The following AASS variants were observed in gnomAD, a reference collection of about 807,000 sequenced individuals.
AASS encodes the protein aminoadipate-semialdehyde synthase, also known as alpha-aminoadipic semialdehyde synthase, mitochondrial.
Under a neutral mutation model 105.4 loss-of-function variants are expected in AASS, and 86 were observed. The ratio of observed to expected loss-of-function variants is 0.82; its 90% CI spans 0.69 to 0.98. The LOEUF (loss-of-function observed/expected upper bound fraction) is 0.98. Among genes scored for constraint, AASS ranks in the 50% least tolerant of loss-of-function variants. The pLI is 0.00. For missense variants in AASS, 1,048 were observed against 1,143.2 expected (o/e 0.92, Z 1.20); for synonymous variants, 381 against 394.8 (o/e 0.96, Z 0.41).
intron 19 of AASS, among the ~76,000 whole-genome samples, chr7:122,082,023 C>T (rs184845724): frequency 1.4e-4 from 21 of 152,170 alleles, no homozygotes; most frequent in Admixed American, 1.2e-3. Context: ...GTCAGTTGAG[C>T]TCTTTCTTAT....
chr7:122,079,252 G>C, intron 21 of AASS: 1 of 1,357,248 alleles, frequency 7.4e-7, no homozygotes, highest in Non-Finnish European at 9.5e-7. Flanking sequence ...TCCAACATTA[G>C]GTATACCAGC....
chr7:122,081,681 T>C (rs1793332259), intron 19 of AASS, 86 bp from the exon 20 acceptor site: 1 of 886,598 alleles, frequency 1.1e-6, no homozygotes, highest in Admixed American at 2.0e-5. Flanking sequence ...GGGATATATC[T>C]TTGTAACTAA....
intron 4 of AASS, among the ~76,000 whole-genome samples, chr7:122,119,807 A>G (rs1337577383): frequency 6.6e-6 from 1 of 152,172 alleles, no homozygotes; most frequent in Non-Finnish European, 1.5e-5. Flanking sequence ...TTACATATAA[A>G]CAAAATTTTA....
Position 122,113,745 on chromosome 7 carries a change from T to C in AASS, c.1044-25A>G, listed in dbSNP as rs374751453. 5 of 1,609,662 alleles carry C rather than the reference T, an allele frequency of 3.1e-6. No homozygotes were observed. The African/African-American group carries it at 6.7e-5, about 22-fold the overall frequency. On this transcript the variant is annotated intron_variant, in intron 9 of 23. Coordinates refer to ENST00000417368, the MANE Select transcript of AASS (RefSeq NM_005763.4). Reference sequence around the variant, plus strand: ...TCTGAAAATAACATCAATACTTAGATGAGAGGATGAAATTCTGAAGTCTCC... The same window carrying C: ...TCTGAAAATAACATCAATACTTAGACGAGAGGATGAAATTCTGAAGTCTCC...
chr7:122,124,604 A>C (rs1349489430), intron 4 of AASS, among the ~76,000 whole-genome samples: 1 of 152,094 alleles, frequency 6.6e-6, no homozygotes, highest in Admixed American at 6.6e-5. Flanking sequence ...TCTTATAGCA[A>C]TTAGCACTAG....
chr7:122,077,773 T>C, intron 23 of AASS, 65 bp downstream of exon 23: 2 of 1,580,168 alleles, frequency 1.3e-6, no homozygotes, highest in Non-Finnish European at 1.7e-6. Flanking sequence ...TTACTTGATG[T>C]CCAGGCACCA....
intron 8 of AASS, 37 bp downstream of exon 8, chr7:122,116,596 A>G: frequency 6.2e-7 from 1 of 1,613,522 alleles, no homozygotes; most frequent in East Asian, 2.2e-5. Flanking sequence ...ACACTGTATC[A>G]TAAGCAACCA....
chr7:122,110,347 AT>A (rs1419401544), intron 11 of AASS, among the ~76,000 whole-genome samples: 1 of 151,894 alleles, frequency 6.6e-6, no homozygotes, highest in Non-Finnish European at 1.5e-5. Flanking sequence ...TAAAAAAAAA[AT>A]GACAATAAAG....
At chr7:122,092,494 G>C (rs896945268) in intron 17 of AASS, among the ~76,000 whole-genome samples, 1 of 152,036 alleles carries the variant, frequency 6.6e-6, no homozygotes, top group East Asian at 1.9e-4. Context: ...GGAGGCTGAG[G>C]GGGGCAGATG....
chr7:122,102,820 A>G (rs1452447618), intron 11 of AASS, among the ~76,000 whole-genome samples: 1 of 151,962 alleles, frequency 6.6e-6, no homozygotes, highest in Non-Finnish European at 1.5e-5. Flanking sequence ...CATCTCTAAA[A>G]TTTTGAATAC....
chr7:122,080,742 A>G (rs1373266967), intron 20 of AASS, among the ~76,000 whole-genome samples: 1 of 152,204 alleles, frequency 6.6e-6, no homozygotes, highest in African/African-American at 2.4e-5. Flanking sequence ...ATATACACCT[A>G]CTATGTACCC....
At chr7:122,088,093 G>A (rs1019086377) in intron 18 of AASS, among the ~76,000 whole-genome samples, 1 of 152,088 alleles carries the variant, frequency 6.6e-6, no homozygotes, top group African/African-American at 2.4e-5. Flanking sequence ...TAATTTGAAT[G>A]ACAACAGAAA....
chr7:122,136,476 A>G (rs1413846428), intron 1 of AASS, among the ~76,000 whole-genome samples: 2 of 152,202 alleles, frequency 1.3e-5, no homozygotes, highest in East Asian at 3.9e-4. Flanking sequence ...TCAGTAAACG[A>G]CTGTTATATA....
chr7:122,138,125 G>A (rs1796237661), intron 1 of AASS, among the ~76,000 whole-genome samples: 1 of 152,132 alleles, frequency 6.6e-6, no homozygotes, highest in African/African-American at 2.4e-5. Flanking sequence ...AAACTTAAAA[G>A]ATTTCTTCTC....
intron 11 of AASS, among the ~76,000 whole-genome samples, chr7:122,107,013 T>C (rs1794700283): frequency 1.3e-5 from 2 of 151,926 alleles, no homozygotes; most frequent in African/African-American, 4.8e-5. Context: ...GTCTAATATC[T>C]AGCTTCTATA....
intron 4 of AASS, among the ~76,000 whole-genome samples, chr7:122,125,509 C>T (rs923543086): frequency 6.6e-5 from 10 of 152,172 alleles, no homozygotes; most frequent in Non-Finnish European, 1.5e-5. Flanking sequence ...TAACCTGACA[C>T]GTCCACCCTA....
intron 19 of AASS, among the ~76,000 whole-genome samples, chr7:122,085,315 A>G (rs1793567503): frequency 2.0e-5 from 3 of 152,124 alleles, no homozygotes; most frequent in Non-Finnish European, 4.4e-5. Flanking sequence ...AAACTATTAC[A>G]CCAGTTGTCT....
intron 17 of AASS, 113 bp from the exon 18 acceptor site, chr7:122,091,956 T>C (rs976892809): frequency 2.2e-5 from 17 of 769,978 alleles, no homozygotes; most frequent in Middle Eastern, 3.6e-4. Context: ...TTTTTCATTC[T>C]TAAAGTTACT....
At chr7:122,142,465 T>G (rs980329620) in intron 1 of AASS, among the ~76,000 whole-genome samples, 1 of 152,136 alleles carries the variant, frequency 6.6e-6, no homozygotes, top group Non-Finnish European at 1.5e-5. Flanking sequence ...TAGAGCCCAA[T>G]AAGCCCTCTC....
Sources: gnomAD v4.1 joint callset for allele counts (sites outside exome capture counted in the v4.1 genomes callset) on GRCh38, gnomAD v4.1.1 for gene constraint, MANE v1.5 for transcripts, NCBI Gene and HGNC (gene_info 2026-07-23, HGNC 2026-07-21) for gene names.